Variants in TAF4B observed in about 807,000 individuals in gnomAD.
The protein encoded by TAF4B is TATA-box binding protein associated factor 4b.
TAF4B carries 38 observed loss-of-function variants against 86.4 expected under a neutral mutation model. The ratio of observed to expected loss-of-function variants is 0.44; its 90% CI spans 0.34 to 0.58. The LOEUF (loss-of-function observed/expected upper bound fraction) is 0.58, where lower values mean the gene tolerates loss of function less well. Among genes scored for constraint, TAF4B ranks in the 20% least tolerant of loss-of-function variants. The probability of loss-of-function intolerance (pLI) is 0.02; values close to 1 mark genes in which losing one functional copy is unlikely to be tolerated. For synonymous variants in TAF4B, 388 were observed against 391.2 expected (o/e 0.99, Z 0.10); for missense variants, 988 against 1,027.6 (o/e 0.96, Z 0.53).
At chr18:26,353,485 C>G (rs1404713905) in intron 13 of TAF4B, among the ~76,000 whole-genome samples, 3 of 152,178 alleles carry the variant, frequency 2.0e-5, no homozygotes, top group Admixed American at 6.5e-5. Flanking sequence ...AATCCCGGCA[C>G]TTTGGGAGGC....
chr18:26,341,416 A>G (rs1476192672), intron 13 of TAF4B, among the ~76,000 whole-genome samples: 1 of 152,186 alleles, frequency 6.6e-6, no homozygotes, highest in Admixed American at 6.5e-5. Context: ...AAATGAGAAG[A>G]AAAAAGAGTG....
chr18:26,285,222 G>GTTTTTGTTTTTTTTTTTTTTT lies in TAF4B; in HGVS notation c.973-655_973-654insGTTTTTTTTTTTTTTTTTTTT. On this transcript the variant is annotated intron_variant, in intron 6 of 14. Transcript: ENST00000269142. ...ATTTCTTCCTTTCCTTTTTTTTTTTGTTTTTTTTTTTTTTGGAGATGGGGT... is the reference window on the plus strand; with the variant it reads ...ATTTCTTCCTTTCCTTTTTTTTTTTGTTTTTGTTTTTTTTTTTTTTTTTTTTTTTTTTTTTGGAGATGGGGT... Among the ~76,000 whole-genome samples the GTTTTTGTTTTTTTTTTTTTTT allele has an allele frequency of 1.5e-3, 67 of 45,676 alleles. 1 individual carries two copies. Among genetic ancestry groups the GTTTTTGTTTTTTTTTTTTTTT allele is most frequent in the African/African-American group, 2.5e-3 (40 of 15,972 alleles). 30.0% of individuals were successfully genotyped at this position (45,676 alleles called of 152,430 possible).
At chr18:26,281,896 A>G in intron 5 of TAF4B, 75 bp from the exon 6 acceptor site, 2 of 1,141,228 alleles carry the variant, frequency 1.8e-6, no homozygotes, top group Non-Finnish European at 2.6e-6. Context: ...TATGTCTACA[A>G]TCATGAATTA....
intron 1 of TAF4B, 105 bp downstream of exon 1, chr18:26,227,381 TTCA>T: frequency 1.0e-6 from 1 of 983,202 alleles, no homozygotes; most frequent in Non-Finnish European, 1.5e-6. Context: ...ACGGGAACAT[TTCA>T]TAATCTTGAC....
chr18:26,239,170 C>T (rs1598711103), intron 1 of TAF4B, among the ~76,000 whole-genome samples: 1 of 152,228 alleles, frequency 6.6e-6, no homozygotes, highest in East Asian at 1.9e-4. Flanking sequence ...GCCACACTGT[C>T]TTCCACAATG....
chr18:26,272,257 C>CAA (rs2056329399), intron 3 of TAF4B, among the ~76,000 whole-genome samples: 1 of 152,186 alleles, frequency 6.6e-6, no homozygotes, highest in South Asian at 2.1e-4. Flanking sequence ...AAATCACCTG[C>CAA]ATGTGCAGTT....
intron 1 of TAF4B, among the ~76,000 whole-genome samples, chr18:26,252,949 C>CT (rs2056028400): frequency 6.6e-6 from 1 of 151,890 alleles, no homozygotes; most frequent in African/African-American, 2.4e-5. Context: ...TCAGCACTGT[C>CT]TGAGGTTTTA....
intron 1 of TAF4B, chr18:26,255,570 C>T (rs1161603212): frequency 3.4e-6 from 2 of 592,422 alleles, no homozygotes; most frequent in Non-Finnish European, 5.7e-6. Context: ...CCACTGCACT[C>T]CAGCCTGGAC....
At chr18:26,282,365 G>A (rs2056461099) in intron 6 of TAF4B, among the ~76,000 whole-genome samples, 1 of 152,098 alleles carries the variant, frequency 6.6e-6, no homozygotes, top group Non-Finnish European at 1.5e-5. Flanking sequence ...ACCACCATAA[G>A]AAAGCTAATA....
At chr18:26,276,015 C>CAAAAA (rs374826135) in intron 5 of TAF4B, among the ~76,000 whole-genome samples, 4 of 75,728 alleles carry the variant, frequency 5.3e-5, no homozygotes, top group Non-Finnish European at 1.1e-4. Context: ...GACTCTGTCT[C>CAAAAA]AAAAAAAAAA....
chr18:26,265,107 T>C (rs2056219848), intron 1 of TAF4B, 63 bp from the exon 2 acceptor site: 3 of 1,508,566 alleles, frequency 2.0e-6, no homozygotes, highest in Non-Finnish European at 2.7e-6. Flanking sequence ...GAGAAGAAAA[T>C]ATGTGATGGT....
chr18:26,227,185 C>T lies in TAF4B; in HGVS notation c.252C>T (p.Ser84=). ...TCAGCGCCCCTCCTAAAGTCAGCAGCGGCCCTAGGCTGCCTGCTCCTCAGA... is the reference window on the plus strand; with the variant it reads ...TCAGCGCCCCTCCTAAAGTCAGCAGTGGCCCTAGGCTGCCTGCTCCTCAGA... The part of the protein sequence containing the change: ...APVSAPPKVS[S]GPRLPAPQIV... Residue 84 remains serine (S), a synonymous_variant, in exon 1 of 15, where the codon AGC becomes AGT. Coordinates refer to ENST00000269142, the MANE Select transcript of TAF4B (RefSeq NM_005640.3). 1 of 1,614,026 alleles carries T rather than the reference C, an allele frequency of 6.2e-7. No individual in the cohort carries two copies. Among genetic ancestry groups the T allele is most frequent in the Non-Finnish European group, 8.5e-7 (1 of 1,179,978 alleles).
At chr18:26,387,147 C>T (rs923029590) in intron 14 of TAF4B, among the ~76,000 whole-genome samples, 1 of 152,136 alleles carries the variant, frequency 6.6e-6, no homozygotes, top group Admixed American at 6.5e-5. Context: ...CTCACTTCAA[C>T]CTCTGCCTCC....
chr18:26,289,663 G>GT (rs1400332849), intron 7 of TAF4B, among the ~76,000 whole-genome samples: 1 of 152,030 alleles, frequency 6.6e-6, no homozygotes, highest in Admixed American at 6.6e-5. Context: ...ATTTTTCTAT[G>GT]TTTTTAGTAG....
At chr18:26,367,805 C>T (rs925620314) in intron 14 of TAF4B, among the ~76,000 whole-genome samples, 4 of 152,134 alleles carry the variant, frequency 2.6e-5, no homozygotes, top group African/African-American at 9.7e-5. Flanking sequence ...ATTTGTTTTA[C>T]AGGATTGATT....
intron 14 of TAF4B, among the ~76,000 whole-genome samples, chr18:26,383,809 T>G (rs955076989): frequency 2.0e-5 from 3 of 152,132 alleles, no homozygotes; most frequent in African/African-American, 7.2e-5. Context: ...CTGAAATAAC[T>G]AGAAAGGAAT....
intron 1 of TAF4B, among the ~76,000 whole-genome samples, chr18:26,240,204 T>G (rs2055815528): frequency 6.6e-6 from 1 of 152,244 alleles, no homozygotes; most frequent in East Asian, 1.9e-4. Flanking sequence ...ATGATATTGA[T>G]TCTTCCTATC....
chr18:26,249,095 C>T (rs1210519142), intron 1 of TAF4B, among the ~76,000 whole-genome samples: 2 of 150,782 alleles, frequency 1.3e-5, no homozygotes, highest in African/African-American at 4.9e-5. Context: ...TCACTTGAAC[C>T]AGGGAGCTGG....
chr18:26,335,393 G>T (rs1397965042), intron 13 of TAF4B, among the ~76,000 whole-genome samples, 162 bp downstream of exon 13: 1 of 152,304 alleles, frequency 6.6e-6, no homozygotes, highest in South Asian at 2.1e-4. Flanking sequence ...TTCAAATGAG[G>T]TCAATGAGTT....
Sources: allele counts gnomAD v4.1 joint callset (sites outside exome capture counted in the v4.1 genomes callset), GRCh38; gene constraint gnomAD v4.1.1; transcripts MANE v1.5; gene names NCBI Gene and HGNC (gene_info 2026-07-23, HGNC 2026-07-21).